The following MCPH1 variants were observed in gnomAD, a reference collection of about 807,000 sequenced individuals.
The protein encoded by MCPH1 is microcephalin.
A neutral mutation model predicts 84.5 loss-of-function variants in MCPH1; 104 were observed. That is an observed-to-expected ratio of 1.23 (90% confidence interval 1.05 to 1.45). The LOEUF is 1.45. Ranked by LOEUF, MCPH1 falls within the 40% of genes most tolerant of loss-of-function variation. The pLI, the probability that MCPH1 is intolerant of heterozygous loss-of-function variation, is 0.00. For synonymous variants in MCPH1, 514 were observed against 366.8 expected, an observed-to-expected ratio of 1.40 and a Z score of -4.58; for missense variants, 1,498 against 1,005.7, an observed-to-expected ratio of 1.49 and a Z score of -6.62.
At chr8:6,608,331 C>T (rs1489398130) in intron 12 of MCPH1, among the ~76,000 whole-genome samples, 2 of 152,190 alleles carry the variant, frequency 1.3e-5, no homozygotes, top group East Asian at 1.9e-4. Context: ...TAAAGGCAAT[C>T]GCAAGGAGAA....
At chr8:6,540,430 A>G (rs1268437715) in intron 12 of MCPH1, among the ~76,000 whole-genome samples, 1 of 152,192 alleles carries the variant, frequency 6.6e-6, no homozygotes, top group African/African-American at 2.4e-5. Flanking sequence ...TTCATATGCA[A>G]AAGGTGTCAC....
chr8:6,479,985 T>C (rs1173084816), intron 10 of MCPH1, among the ~76,000 whole-genome samples: 1 of 152,152 alleles, frequency 6.6e-6, no homozygotes, highest in African/African-American at 2.4e-5. Flanking sequence ...TATTACATTT[T>C]CAAAATAAAA....
intron 3 of MCPH1, among the ~76,000 whole-genome samples, chr8:6,427,100 A>C (rs895071731): frequency 6.6e-6 from 1 of 152,250 alleles, no homozygotes; most frequent in Non-Finnish European, 1.5e-5. Context: ...GTTGTGAAAC[A>C]GTGGTAAGTA....
chr8:6,426,822 A>T (rs150701282), intron 3 of MCPH1, among the ~76,000 whole-genome samples: 2 of 151,706 alleles, frequency 1.3e-5, no homozygotes, highest in South Asian at 4.1e-4. Context: ...GTGGTATTTC[A>T]TGGTTTTTTT....
chr8:6,436,209 C>G, intron 5 of MCPH1, 47 bp downstream of exon 5: 1 of 1,590,882 alleles, frequency 6.3e-7, no homozygotes, highest in African/African-American at 1.3e-5. Flanking sequence ...TGTCCATACA[C>G]CTTGTTTAAT....
intron 12 of MCPH1, among the ~76,000 whole-genome samples, chr8:6,551,674 T>C (rs529679580): frequency 6.6e-6 from 1 of 152,220 alleles, no homozygotes. Context: ...AACAATTTTT[T>C]ATATTAAAGT....
At chr8:6,557,688 T>TACACACACACAC (rs112788253) in intron 12 of MCPH1, among the ~76,000 whole-genome samples, 2 of 148,692 alleles carry the variant, frequency 1.3e-5, no homozygotes, top group Non-Finnish European at 3.0e-5. Flanking sequence ...TATGTGTGTG[T>TACACACACACAC]ACACACACAC....
At chr8:6,626,449 G>T in intron 13 of MCPH1, 1 of 982,234 alleles carries the variant, frequency 1.0e-6, no homozygotes, top group Non-Finnish European at 1.2e-6. Context: ...GGAGAAATGG[G>T]GTTGTTGTTT....
At chr8:6,424,973 C>G (rs1221644267) in intron 3 of MCPH1, among the ~76,000 whole-genome samples, 1 of 152,218 alleles carries the variant, frequency 6.6e-6, no homozygotes, top group African/African-American at 2.4e-5. Context: ...CCTGAATTGA[C>G]TTACTGACTG....
At chr8:6,412,839 A>T (rs888626845) in intron 2 of MCPH1, among the ~76,000 whole-genome samples, 2 of 152,248 alleles carry the variant, frequency 1.3e-5, no homozygotes, top group Non-Finnish European at 2.9e-5. Context: ...AGAGAGAGTT[A>T]TAAAAGTAAT....
intron 12 of MCPH1, among the ~76,000 whole-genome samples, chr8:6,551,829 C>T (rs139722710): frequency 5.5e-4 from 83 of 152,272 alleles, no homozygotes; most frequent in Non-Finnish European, 1.0e-3. Context: ...AATACAATAA[C>T]GTACTTTCTC....
chr8:6,443,010 T>C (rs1217500956), intron 7 of MCPH1, among the ~76,000 whole-genome samples: 3 of 152,240 alleles, frequency 2.0e-5, no homozygotes, highest in Non-Finnish European at 2.9e-5. Flanking sequence ...TTCCTAGAAG[T>C]TGGAAACAAG....
intron 12 of MCPH1, among the ~76,000 whole-genome samples, chr8:6,573,335 T>A (rs1017639628): frequency 6.6e-6 from 1 of 151,996 alleles, no homozygotes; most frequent in African/African-American, 2.4e-5. Context: ...TAGTGGCCTG[T>A]GCTAGAATAT....
chr8:6,530,744 C>G (rs953021197), intron 12 of MCPH1, among the ~76,000 whole-genome samples: 1 of 152,030 alleles, frequency 6.6e-6, no homozygotes. Context: ...ATTTGTTATT[C>G]TATTCTCTTA....
chr8:6,444,491 G>C lies in MCPH1; in HGVS notation c.769G>C (p.Asp257His), dbSNP rs1038572992. The change falls in exon 8 of 14, where the codon GAC becomes CAC. Residue 257 changes from aspartate (D) to histidine (H), a missense_variant. Asp to His is a moderately conservative substitution (Grantham distance 81). Coordinates refer to ENST00000344683, the MANE Select transcript of MCPH1 (RefSeq NM_024596.5). Reference sequence around the variant, plus strand: ...AAGGAAGTTGGAAGGATCCATTAATGACATTAAAAGTGATGTGTGTATTTC... The same window carrying C: ...AAGGAAGTTGGAAGGATCCATTAATCACATTAAAAGTGATGTGTGTATTTC... ...QERKLEGSIN[D>H]IKSDVCISSL... 1.2e-6 allele frequency: 2 copies of C among 1,614,128 alleles called. No homozygotes were observed. Among genetic ancestry groups the C allele is most frequent in the African/African-American group, 2.7e-5 (2 of 75,046 alleles).
chr8:6,449,825 C>T (rs1804881379), intron 8 of MCPH1, among the ~76,000 whole-genome samples: 1 of 152,098 alleles, frequency 6.6e-6, no homozygotes, highest in Non-Finnish European at 1.5e-5. Flanking sequence ...CCCACCTGAC[C>T]CTTAGCACTG....
chr8:6,645,540 A>G lies in MCPH1; in HGVS notation c.*2491A>G, dbSNP rs538657089. Reference sequence around the variant, plus strand: ...GGAAATTAAAGCTATACAGATTGGAAGTGAAGAAATAAAAGTCTTTATTCT... The same window carrying G: ...GGAAATTAAAGCTATACAGATTGGAGGTGAAGAAATAAAAGTCTTTATTCT... On this transcript the variant is annotated 3_prime_UTR_variant, in exon 14 of 14. Transcript: ENST00000344683. The G allele has an allele frequency of 6.8e-6, 1 of 148,116 alleles. No homozygotes were observed. Among genetic ancestry groups the G allele is most frequent in the East Asian group, 2.2e-4 (1 of 4,598 alleles). The allele number at this position is 148,116 out of a possible 1,614,324, so 9.2% of individuals were successfully genotyped here. A position where few individuals can be genotyped will look rare whatever the true frequency, so the allele number is the denominator to read the frequency against.
chr8:6,526,156 A>AT (rs1818285969), intron 12 of MCPH1, among the ~76,000 whole-genome samples: 2 of 150,994 alleles, frequency 1.3e-5, no homozygotes, highest in Admixed American at 6.6e-5. Context: ...ACGGTGGCTC[A>AT]TGCCTGTAAT....
chr8:6,607,772 A>G (rs1236524706), intron 12 of MCPH1, among the ~76,000 whole-genome samples: 2 of 152,180 alleles, frequency 1.3e-5, no homozygotes, highest in Non-Finnish European at 2.9e-5. Context: ...CATGTAAGAC[A>G]TGCTGTCCAC....
Sources: allele counts gnomAD v4.1 joint callset (sites outside exome capture counted in the v4.1 genomes callset), GRCh38; gene constraint gnomAD v4.1.1; transcripts MANE v1.5; gene names NCBI Gene and HGNC (gene_info 2026-07-23, HGNC 2026-07-21).